Variants in EPSTI1 observed in about 807,000 individuals in gnomAD.
The protein encoded by EPSTI1 is epithelial-stromal interaction protein 1.
EPSTI1 carries 66 observed loss-of-function variants against 49.9 expected under a neutral mutation model. The observed-to-expected ratio is 1.32, with a 90% CI of 1.08 to 1.62. The LOEUF (loss-of-function observed/expected upper bound fraction) is 1.62. Ranked by LOEUF, EPSTI1 falls within the 40% of genes most tolerant of loss-of-function variation. EPSTI1 has a pLI of 0.00. For missense variants in EPSTI1, 394 were observed against 365.5 expected (o/e 1.08, Z -0.64); for synonymous variants, 137 against 130.7 (o/e 1.05, Z -0.33).
At chr13:42,977,776 G>A (rs538579615) in intron 1 of EPSTI1, among the ~76,000 whole-genome samples, 2 of 152,298 alleles carry the variant, frequency 1.3e-5, no homozygotes, top group African/African-American at 2.4e-5. Flanking sequence ...TTTTTCACCT[G>A]TGAAATCGGG....
In EPSTI1 at chr13:42,888,298, T is replaced by C. The variant is rs76888419; in HGVS notation, c.*196A>G. ...CCTGGCAGTAGAGATTAAATATGAG[T>C]TCAGGAATCAGCTCCTCCAAACATG... On this transcript the variant is annotated 3_prime_UTR_variant, in exon 11 of 11. Coordinates refer to ENST00000313624, the MANE Select transcript of EPSTI1 (RefSeq NM_033255.5). 7 of 1,613,874 alleles carry C rather than the reference T, an allele frequency of 4.3e-6. No individual in the cohort carries two copies.
At chr13:42,974,870 T>C (rs2039851006) in intron 1 of EPSTI1, among the ~76,000 whole-genome samples, 1 of 152,114 alleles carries the variant, frequency 6.6e-6, no homozygotes, top group Admixed American at 6.5e-5. Flanking sequence ...TAATTTAAAT[T>C]TGTAATTAGG....
At chr13:42,988,543 C>G (rs1366824238) in intron 1 of EPSTI1, among the ~76,000 whole-genome samples, 1 of 152,140 alleles carries the variant, frequency 6.6e-6, no homozygotes, top group Non-Finnish European at 1.5e-5. Flanking sequence ...CCGGCCTGGC[C>G]AATGTGGCGA....
At chr13:42,935,690 C>T (rs2038538384) in intron 6 of EPSTI1, among the ~76,000 whole-genome samples, 1 of 152,110 alleles carries the variant, frequency 6.6e-6, no homozygotes, top group South Asian at 2.1e-4. Context: ...CTCCCAGGTT[C>T]AAGTGATTCT....
rs61128582 is a variant in EPSTI1, at chr13:42,974,658, CAAAAA to C, written c.189-3993_189-3989del. Among the ~76,000 whole-genome samples, 121 of 121,548 alleles carry C rather than the reference CAAAAA, an allele frequency of 1.0e-3. 1 individual carries two copies. The highest frequency in any genetic ancestry group is 3.5e-3 in the African/African-American group (113 of 32,500). The allele number at this position is 121,548 out of a possible 152,430, so 79.7% of individuals were successfully genotyped here. ...TGGGCGACAGAGCAAGACTCCGTCT[CAAAAA>C]AAAAAAAAAAAGTTTTCCTTGCGAG... On this transcript the variant is annotated intron_variant, in intron 1 of 10. Transcript: ENST00000313624.
chr13:42,960,887 C>T (rs36111379), intron 5 of EPSTI1, among the ~76,000 whole-genome samples: 27,735 of 152,054 alleles, frequency 0.18, 2,725 homozygotes, highest in Middle Eastern at 0.26. Flanking sequence ...TTATATTGGG[C>T]ACCTGGATAT....
intron 7 of EPSTI1, chr13:42,919,344 T>C (rs1285499496): frequency 1.9e-6 from 3 of 1,612,646 alleles, no homozygotes; most frequent in Admixed American, 1.7e-5. Context: ...TGTTCAAAAA[T>C]AATAGAAGGG....
At chr13:42,980,224 T>A (rs1433411424) in intron 1 of EPSTI1, among the ~76,000 whole-genome samples, 1 of 151,572 alleles carries the variant, frequency 6.6e-6, no homozygotes, top group Admixed American at 6.6e-5. Context: ...TAAGCCAAAG[T>A]GAAAAACAAG....
intron 9 of EPSTI1, among the ~76,000 whole-genome samples, chr13:42,895,367 C>A (rs139278994): frequency 1.3e-5 from 2 of 152,198 alleles, no homozygotes; most frequent in African/African-American, 2.4e-5. Flanking sequence ...TCATCTCCTG[C>A]CAGTTCAGCA....
At chr13:42,930,864 A>G (rs1233303389) in intron 6 of EPSTI1, among the ~76,000 whole-genome samples, 3 of 152,250 alleles carry the variant, frequency 2.0e-5, no homozygotes, top group Non-Finnish European at 2.9e-5. Flanking sequence ...AAAATTACAT[A>G]CAAATGAATA....
intron 8 of EPSTI1, among the ~76,000 whole-genome samples, chr13:42,900,828 T>C (rs545359016): frequency 1.3e-5 from 2 of 152,276 alleles, no homozygotes; most frequent in African/African-American, 4.8e-5. Context: ...AATCTTATAG[T>C]GTAATTCTGT....
chr13:42,905,200 C>T (rs1014272140), intron 8 of EPSTI1, among the ~76,000 whole-genome samples: 7 of 152,176 alleles, frequency 4.6e-5, no homozygotes, highest in African/African-American at 1.2e-4. Context: ...CATACATCAT[C>T]CTATTACGGA....
In EPSTI1 at chr13:42,938,771, C is replaced by T. The variant is rs1376646460; in HGVS notation, c.564-12342G>A. 2.6e-5 allele frequency among the ~76,000 whole-genome samples: 4 copies of T among 151,800 alleles called. No homozygotes were observed. The East Asian group carries it at 5.8e-4, about 22-fold the overall frequency. On this transcript the variant is annotated intron_variant, in intron 6 of 10. Transcript: ENST00000313624. ...TCTACTAAAAATACAAGAAATTGGC[C>T]AGGCATGGTGGTGGGTGCCTGTAAT...
At chr13:42,979,120 C>T (rs779674919) in intron 1 of EPSTI1, among the ~76,000 whole-genome samples, 12 of 152,030 alleles carry the variant, frequency 7.9e-5, no homozygotes, top group Admixed American at 5.9e-4. Flanking sequence ...TATGTATTAA[C>T]GTATAACGTA....
chr13:42,960,555 C>A (rs2039416823), intron 5 of EPSTI1, among the ~76,000 whole-genome samples: 1 of 152,150 alleles, frequency 6.6e-6, no homozygotes, highest in African/African-American at 2.4e-5. Flanking sequence ...GTATTAGTTT[C>A]CTATTGCTGG....
chr13:42,886,658 A>C lies in EPSTI1; in HGVS notation c.*1836T>G, dbSNP rs956704675. 3 of 152,222 alleles carry C rather than the reference A, an allele frequency of 2.0e-5. No homozygotes were observed. The highest frequency in any genetic ancestry group is 1.5e-5 in the Non-Finnish European group (1 of 68,046). 9.4% of individuals were successfully genotyped at this position (152,222 alleles called of 1,614,324 possible). On this transcript the variant is annotated 3_prime_UTR_variant, in exon 11 of 11. Coordinates refer to ENST00000313624, the MANE Select transcript of EPSTI1 (RefSeq NM_033255.5). ...AGTAAAATGGTGGGCTCCTTTAGGC[A>C]GCAAGTCTTGCTTCTCTCCTGGTTA...
intron 8 of EPSTI1, among the ~76,000 whole-genome samples, chr13:42,910,251 C>G (rs979000901): frequency 2.9e-5 from 4 of 138,378 alleles, no homozygotes; most frequent in East Asian, 2.2e-4. Context: ...TATTTTTTAA[C>G]CAAATCTTTT....
intron 3 of EPSTI1, 140 bp downstream of exon 3, chr13:42,968,954 A>ACACACACACACACACAC (rs5803160): frequency 0.017 from 8,998 of 539,088 alleles, 634 homozygotes; most frequent in East Asian, 0.046. Context: ...ACACACACAC[A>ACACACACACACACACAC]ATTAAATGCA....
intron 1 of EPSTI1, among the ~76,000 whole-genome samples, chr13:42,981,159 G>C (rs2039980575): frequency 6.6e-6 from 1 of 152,042 alleles, no homozygotes; most frequent in African/African-American, 2.4e-5. Flanking sequence ...CAGAACAAAG[G>C]AACCATCATC....
Sources: gnomAD v4.1 joint callset for allele counts (sites outside exome capture counted in the v4.1 genomes callset) on GRCh38, gnomAD v4.1.1 for gene constraint, MANE v1.5 for transcripts, NCBI Gene and HGNC (gene_info 2026-07-23, HGNC 2026-07-21) for gene names.